The following JAK2 variants were observed in gnomAD, a reference collection of about 807,000 sequenced individuals.
JAK2 encodes tyrosine-protein kinase JAK2.
In JAK2, 86 loss-of-function variants were observed where a neutral mutation model predicts 139.3. That is an observed-to-expected ratio of 0.62 (90% CI 0.52 to 0.74). The LOEUF (loss-of-function observed/expected upper bound fraction) is 0.74, where lower values mean the gene tolerates loss of function less well. Ranked by LOEUF, JAK2 falls within the 30% of genes least tolerant of loss-of-function variation. The probability of loss-of-function intolerance (pLI) is 0.00; values close to 1 mark genes in which losing one functional copy is unlikely to be tolerated. For synonymous variants in JAK2, 490 were observed against 437.7 expected (o/e 1.12, Z -1.49); for missense variants, 1,421 against 1,360.3 (o/e 1.04, Z -0.70).
chr9:5,061,604 CT>C (rs1818175537), intron 8 of JAK2, among the ~76,000 whole-genome samples: 1 of 152,210 alleles, frequency 6.6e-6, no homozygotes, highest in South Asian at 2.1e-4. Flanking sequence ...CTAGATTAGG[CT>C]TTGGCTTAAG....
intron 6 of JAK2, among the ~76,000 whole-genome samples, chr9:5,053,969 T>C (rs190043236): frequency 5.5e-4 from 83 of 152,154 alleles, no homozygotes; most frequent in Non-Finnish European, 1.1e-3. Flanking sequence ...AGAAATAAAT[T>C]ACCTTCTTTA....
intron 2 of JAK2, among the ~76,000 whole-genome samples, chr9:5,015,538 CT>C (rs35167433): frequency 0.48 from 52,822 of 109,180 alleles, 10,618 homozygotes; most frequent in African/African-American, 0.68. Context: ...TTTTTCTTTT[CT>C]TTTTTTTTTT....
intron 22 of JAK2, chr9:5,109,747 A>C (rs1435713496): frequency 1.3e-5 from 2 of 152,186 alleles, no homozygotes; most frequent in Non-Finnish European, 2.9e-5. Context: ...CATAATATTT[A>C]TTCTAGTAGC....
intron 2 of JAK2, among the ~76,000 whole-genome samples, chr9:5,017,796 C>T (rs1822170784): frequency 6.6e-6 from 1 of 152,072 alleles, no homozygotes; most frequent in Admixed American, 6.6e-5. Context: ...ACAGTAATTG[C>T]CAGGTTTTGT....
chr9:5,052,406 ATTT>A (rs202102423), intron 6 of JAK2, among the ~76,000 whole-genome samples: 1 of 151,204 alleles, frequency 6.6e-6, no homozygotes, highest in Non-Finnish European at 1.5e-5. Flanking sequence ...ATGCTGCATC[ATTT>A]TTTTTTACTG....
intron 22 of JAK2, among the ~76,000 whole-genome samples, chr9:5,113,016 G>C (rs1447445037): frequency 3.3e-5 from 5 of 152,014 alleles, no homozygotes; most frequent in Non-Finnish European, 7.4e-5. Flanking sequence ...GGCAAGGAAG[G>C]TGAGTGATGG....
chr9:5,036,648 T>C (rs1381343230), intron 4 of JAK2, among the ~76,000 whole-genome samples: 3 of 152,362 alleles, frequency 2.0e-5, no homozygotes, highest in South Asian at 2.1e-4. Flanking sequence ...CTGGGAAAAC[T>C]GGCTAGCCAT....
intron 4 of JAK2, among the ~76,000 whole-genome samples, chr9:5,043,806 G>A (rs1024667626): frequency 3.3e-5 from 5 of 152,228 alleles, no homozygotes; most frequent in Admixed American, 2.0e-4. Context: ...TAATGTGGAT[G>A]AACCTTGAAA....
At chr9:4,995,380 T>A (rs1176463679) in intron 2 of JAK2, among the ~76,000 whole-genome samples, 1 of 152,252 alleles carries the variant, frequency 6.6e-6, no homozygotes, top group Admixed American at 6.5e-5. Flanking sequence ...CTTCTAACCC[T>A]GAAATTATAT....
intron 4 of JAK2, among the ~76,000 whole-genome samples, chr9:5,033,682 G>A (rs1422724547): frequency 6.6e-6 from 1 of 152,120 alleles, no homozygotes; most frequent in East Asian, 1.9e-4. Flanking sequence ...TTACAGACAA[G>A]CAAATGCTGA....
intron 4 of JAK2, among the ~76,000 whole-genome samples, chr9:5,032,433 C>T (rs772760025): frequency 3.3e-5 from 5 of 152,230 alleles, no homozygotes; most frequent in African/African-American, 4.8e-5. Flanking sequence ...GATCTGAGAA[C>T]GGACAGACTG....
rs1412333570 is a variant in JAK2 at position 5,050,679 on chromosome 9, G to A, written c.469-7G>A. The A allele has an allele frequency of 1.2e-6, 2 of 1,609,270 alleles. No individual in the cohort carries two copies. Among genetic ancestry groups the A allele is most frequent in the Non-Finnish European group, 1.7e-6 (2 of 1,178,290 alleles). ...ATGAGATATTTCCTTCAAATTTTTG[G>A]TTTTAGTGGCGGCATGATTTTGTGC... On this transcript the variant is annotated splice_region_variant and splice_polypyrimidine_tract_variant and intron_variant, in intron 5 of 24. Coordinates refer to ENST00000381652, the MANE Select transcript of JAK2 (RefSeq NM_004972.4).
intron 8 of JAK2, among the ~76,000 whole-genome samples, chr9:5,063,498 T>C (rs1466921282): frequency 3.3e-5 from 5 of 152,202 alleles, no homozygotes; most frequent in Non-Finnish European, 7.3e-5. Context: ...TTTTCATCTC[T>C]CTTATATTGG....
intron 22 of JAK2, chr9:5,111,803 G>C (rs899075751): frequency 4.7e-5 from 20 of 422,734 alleles, no homozygotes; most frequent in African/African-American, 3.5e-4. Context: ...GGCCCCCGGA[G>C]CCACGTAGGC....
intron 3 of JAK2, among the ~76,000 whole-genome samples, chr9:5,029,063 A>C (rs1301907454): frequency 1.3e-5 from 2 of 152,212 alleles, no homozygotes; most frequent in Admixed American, 1.3e-4. Context: ...GGCTTTTAAT[A>C]ATACCTTCCT....
chr9:5,015,460 C>T (rs141180359), intron 2 of JAK2, among the ~76,000 whole-genome samples: 6 of 152,162 alleles, frequency 3.9e-5, no homozygotes, highest in South Asian at 2.1e-4. Flanking sequence ...GTGAGTTAAA[C>T]GGCTGGCACC....
chr9:4,984,408 C>A (rs1435539120), upstream of JAK2: 1 of 152,296 alleles, frequency 6.6e-6, no homozygotes, highest in African/African-American at 2.4e-5. Context: ...CCGGGCTACA[C>A]CAGGCCACGC....
At chr9:5,096,418 G>C (rs1386235857) in intron 22 of JAK2, among the ~76,000 whole-genome samples, 1 of 152,108 alleles carries the variant, frequency 6.6e-6, no homozygotes, top group Non-Finnish European at 1.5e-5. Flanking sequence ...TGCTAGATCG[G>C]TGGAATTCAA....
chr9:5,124,617 A>C (rs973765954), intron 23 of JAK2, among the ~76,000 whole-genome samples: 2 of 151,932 alleles, frequency 1.3e-5, no homozygotes, highest in African/African-American at 4.8e-5. Flanking sequence ...CTAAGCAAAA[A>C]GAACAAAGCT....
Sources: gnomAD v4.1 joint callset for allele counts (sites outside exome capture counted in the v4.1 genomes callset) on GRCh38, gnomAD v4.1.1 for gene constraint, MANE v1.5 for transcripts, NCBI Gene and HGNC (gene_info 2026-07-23, HGNC 2026-07-21) for gene names.